PRR5L: variants seen among roughly 807,000 people sequenced by gnomAD.
The protein encoded by PRR5L is proline-rich protein 5-like.
PRR5L carries 21 observed loss-of-function variants against 36.4 expected under a neutral mutation model. The observed-to-expected ratio is 0.58, with a 90% CI of 0.41 to 0.83. The LOEUF (loss-of-function observed/expected upper bound fraction) is 0.83, where lower values mean the gene tolerates loss of function less well. Among genes scored for constraint, PRR5L ranks in the 40% least tolerant of loss-of-function variants. The pLI is 0.00. For synonymous variants in PRR5L, 188 were observed against 197.0 expected (o/e 0.95, Z 0.38); for missense variants, 381 against 473.3 (o/e 0.80, Z 1.81).
intron 5 of PRR5L, among the ~76,000 whole-genome samples, chr11:36,433,976 G>A (rs1169481977): frequency 6.6e-6 from 1 of 152,168 alleles, no homozygotes; most frequent in Non-Finnish European, 1.5e-5. Flanking sequence ...ACAAGCTCCT[G>A]GAAATGTGGA....
chr11:36,332,682 C>T (rs1189089261), intron 1 of PRR5L, among the ~76,000 whole-genome samples: 1 of 152,038 alleles, frequency 6.6e-6, no homozygotes, highest in Non-Finnish European at 1.5e-5. Flanking sequence ...TGTGACCTTC[C>T]CTTGGTGATG....
intron 1 of PRR5L, among the ~76,000 whole-genome samples, chr11:36,348,133 G>A (rs886715223): frequency 7.2e-5 from 11 of 152,024 alleles, no homozygotes; most frequent in Admixed American, 3.3e-4. Context: ...TAACAGCTGC[G>A]GGAGTAGTCT....
At chr11:36,343,902 G>GT (rs1205806174) in intron 1 of PRR5L, among the ~76,000 whole-genome samples, 4 of 132,684 alleles carry the variant, frequency 3.0e-5, no homozygotes, top group African/African-American at 1.1e-4. Flanking sequence ...TAAGTTTTAT[G>GT]TTGTTTTTTT....
intron 1 of PRR5L, among the ~76,000 whole-genome samples, chr11:36,335,719 T>C (rs1368649566): frequency 6.6e-6 from 1 of 152,188 alleles, no homozygotes; most frequent in African/African-American, 2.4e-5. Context: ...TTTGACAGGA[T>C]AATTATAGGA....
At chr11:36,357,505 C>T (rs1357330044) in intron 1 of PRR5L, among the ~76,000 whole-genome samples, 1 of 152,190 alleles carries the variant, frequency 6.6e-6, no homozygotes, top group South Asian at 2.1e-4. Flanking sequence ...GGCTGACTCT[C>T]TTCTTAGGAG....
At chr11:36,351,899 T>C (rs1856979514) in intron 1 of PRR5L, among the ~76,000 whole-genome samples, 1 of 150,302 alleles carries the variant, frequency 6.7e-6, no homozygotes, top group South Asian at 2.1e-4. Flanking sequence ...TGTGCAAATA[T>C]CTTTTTTGTA....
chr11:36,311,367 AGCAAAT>A (rs1310617972), intron 1 of PRR5L, among the ~76,000 whole-genome samples: 2 of 152,130 alleles, frequency 1.3e-5, no homozygotes, highest in African/African-American at 4.8e-5. Flanking sequence ...GAGCCAGGGG[AGCAAAT>A]GTCTTGGTAG....
rs75654419 is a variant in PRR5L at position 36,432,404 on chromosome 11, G to C, written c.352+494G>C. Among the ~76,000 whole-genome samples the C allele has an allele frequency of 7.5e-3, 1,135 of 152,254 alleles. 15 individuals are homozygous for C. The highest frequency in any genetic ancestry group is 0.015 in the Admixed American group (233 of 15,290). ...TAGGGTATGATTTGATAGATAAAGG[G>C]AAATTTCCTGATCTTAGAGTTTAAA... On this transcript the variant is annotated intron_variant, in intron 5 of 8. Coordinates refer to ENST00000530639, the MANE Select transcript of PRR5L (RefSeq NM_001160167.2).
chr11:36,411,594 G>A (rs538294530), intron 3 of PRR5L, among the ~76,000 whole-genome samples: 62 of 152,200 alleles, frequency 4.1e-4, no homozygotes, highest in African/African-American at 1.4e-3. Flanking sequence ...CTAGCTCAGT[G>A]GCTTGTGGTG....
chr11:36,337,705 C>G (rs755343408), intron 1 of PRR5L, among the ~76,000 whole-genome samples: 13 of 152,198 alleles, frequency 8.5e-5, no homozygotes, highest in Non-Finnish European at 1.6e-4. Context: ...ATGGTATCCT[C>G]CACACCACAT....
At chr11:36,401,917 A>G (rs1857806758) in intron 2 of PRR5L, among the ~76,000 whole-genome samples, 1 of 152,190 alleles carries the variant, frequency 6.6e-6, no homozygotes, top group African/African-American at 2.4e-5. Flanking sequence ...AGCCTATCCG[A>G]GAGTGGGCTT....
intron 4 of PRR5L, chr11:36,426,224 G>A (rs1858379153): frequency 6.6e-6 from 1 of 152,262 alleles, no homozygotes; most frequent in South Asian, 2.1e-4. Flanking sequence ...AGAGCATGAT[G>A]TCTAAAAGCA....
At chr11:36,440,526 AG>A (rs1187902738) in intron 6 of PRR5L, among the ~76,000 whole-genome samples, 1 of 152,204 alleles carries the variant, frequency 6.6e-6, no homozygotes, top group Non-Finnish European at 1.5e-5. Flanking sequence ...AAATGACTAC[AG>A]GTATTTCATA....
chr11:36,384,125 T>TACACCTTGAAC (rs1857417358), intron 1 of PRR5L, among the ~76,000 whole-genome samples: 1 of 152,346 alleles, frequency 6.6e-6, no homozygotes, highest in East Asian at 1.9e-4. Flanking sequence ...ACACCTTGGA[T>TACACCTTGAAC]ACACCTTGAA....
At chr11:36,348,468 A>G (rs1193311138) in intron 1 of PRR5L, among the ~76,000 whole-genome samples, 3 of 152,026 alleles carry the variant, frequency 2.0e-5, no homozygotes, top group African/African-American at 4.8e-5. Context: ...TAACTAACCA[A>G]GTCCCCGCCT....
At chr11:36,439,888 C>T (rs893979840) in intron 6 of PRR5L, among the ~76,000 whole-genome samples, 7 of 151,896 alleles carry the variant, frequency 4.6e-5, no homozygotes, top group Non-Finnish European at 7.4e-5. Context: ...TTTTGGAGTA[C>T]GTAGGTTGTG....
At chr11:36,381,823 T>C (rs58268666) in intron 1 of PRR5L, 19,965 of 151,942 alleles carry the variant, frequency 0.13, 1,656 homozygotes, top group East Asian at 0.35. Flanking sequence ...TTTTTTTAAA[T>C]TATTCACCAA....
At chr11:36,407,962 G>T (rs1396205971) in intron 3 of PRR5L, among the ~76,000 whole-genome samples, 1 of 152,112 alleles carries the variant, frequency 6.6e-6, no homozygotes, top group Non-Finnish European at 1.5e-5. Flanking sequence ...CCAAAGACAG[G>T]TTTCTCCACC....
Position 36,420,834 on chromosome 11 carries a change from AACACACACACACACACACACACACACAC to A in PRR5L, c.294+1548_294+1575del, listed in dbSNP as rs58639707. 2.2e-3 allele frequency among the ~76,000 whole-genome samples: 303 copies of A among 139,406 alleles called. 2 individuals are homozygous for A. The highest frequency in any genetic ancestry group is 3.8e-3 in the Middle Eastern group (1 of 260). The allele number at this position is 139,406 out of a possible 152,430, so 91.5% of individuals were successfully genotyped here. ...AAAAGAATGACATGTCAGTTGTTTA[AACACACACACACACACACACACACACAC>A]ACACACACACACACACGGACAGCTC... On this transcript the variant is annotated intron_variant, in intron 4 of 8. Coordinates refer to ENST00000530639, the MANE Select transcript of PRR5L (RefSeq NM_001160167.2).
Sources: allele counts gnomAD v4.1 joint callset (sites outside exome capture counted in the v4.1 genomes callset), GRCh38; gene constraint gnomAD v4.1.1; transcripts MANE v1.5; gene names NCBI Gene and HGNC (gene_info 2026-07-23, HGNC 2026-07-21).